NKAIN2: variants seen among roughly 807,000 people sequenced by gnomAD.
The protein encoded by NKAIN2 is sodium/potassium-transporting ATPase subunit beta-1-interacting protein 2.
A neutral mutation model predicts 32.6 loss-of-function variants in NKAIN2; 14 were observed. That is an observed-to-expected ratio of 0.43 (90% CI 0.28 to 0.67). The LOEUF is 0.67. Among genes scored for constraint, NKAIN2 ranks in the 30% least tolerant of loss-of-function variants. The pLI, the probability that NKAIN2 is intolerant of heterozygous loss-of-function variation, is 0.17. For missense variants in NKAIN2, 198 were observed against 258.3 expected (o/e 0.77, Z 1.60); for synonymous variants, 80 against 87.2 (o/e 0.92, Z 0.46).
chr6:124,485,121 CTGGTTCTT>C (rs1279388290), intron 3 of NKAIN2, among the ~76,000 whole-genome samples: 4 of 152,164 alleles, frequency 2.6e-5, no homozygotes, highest in African/African-American at 9.7e-5. Flanking sequence ...TACTGTTGCT[CTGGTTCTT>C]GCTATTTCCT....
chr6:124,264,283 A>G (rs1032388998), intron 1 of NKAIN2, among the ~76,000 whole-genome samples: 4 of 152,094 alleles, frequency 2.6e-5, no homozygotes, highest in Non-Finnish European at 4.4e-5. Context: ...CAGATGCCTC[A>G]CCTCAGCAAC....
chr6:124,385,881 A>G (rs1426543764), intron 3 of NKAIN2, among the ~76,000 whole-genome samples: 1 of 151,682 alleles, frequency 6.6e-6, no homozygotes, highest in Non-Finnish European at 1.5e-5. Context: ...TTCATGAAAA[A>G]TAGAACAAAA....
intron 3 of NKAIN2, among the ~76,000 whole-genome samples, chr6:124,627,651 C>G (rs368463307): frequency 6.6e-6 from 1 of 152,290 alleles, no homozygotes; most frequent in South Asian, 2.1e-4. Flanking sequence ...GTCATCCTAG[C>G]TGGCTTCCTT....
At chr6:123,921,571 T>C (rs1775756586) in intron 1 of NKAIN2, among the ~76,000 whole-genome samples, 1 of 152,210 alleles carries the variant, frequency 6.6e-6, no homozygotes, top group Non-Finnish European at 1.5e-5. Context: ...TTAGCGTTCA[T>C]TACTCAGAGG....
chr6:124,700,302 C>T (rs1462233474), intron 4 of NKAIN2, among the ~76,000 whole-genome samples: 1 of 152,098 alleles, frequency 6.6e-6, no homozygotes, highest in Non-Finnish European at 1.5e-5. Context: ...TGGGAAAGAA[C>T]ATTTAAAAAT....
intron 1 of NKAIN2, among the ~76,000 whole-genome samples, chr6:124,144,502 T>G (rs1787294694): frequency 6.6e-6 from 1 of 152,170 alleles, no homozygotes; most frequent in South Asian, 2.1e-4. Flanking sequence ...TACTAGTTTT[T>G]GGTAAGAAAG....
intron 3 of NKAIN2, among the ~76,000 whole-genome samples, chr6:124,518,191 C>T (rs1778986670): frequency 6.6e-6 from 1 of 151,260 alleles, no homozygotes; most frequent in South Asian, 2.1e-4. Context: ...AAAATTCTCT[C>T]TGCACATTTT....
intron 1 of NKAIN2, among the ~76,000 whole-genome samples, chr6:123,945,240 C>A (rs980945260): frequency 6.6e-6 from 1 of 152,028 alleles, no homozygotes; most frequent in African/African-American, 2.4e-5. Flanking sequence ...ACCAAAGCCT[C>A]TAACTGGTCA....
At chr6:123,861,763 G>T (rs1775794428) in intron 1 of NKAIN2, among the ~76,000 whole-genome samples, 1 of 151,970 alleles carries the variant, frequency 6.6e-6, no homozygotes, top group Non-Finnish European at 1.5e-5. Context: ...TTCCTAGATT[G>T]TCCTCTAAAC....
chr6:124,367,517 A>C (rs1799574774), intron 3 of NKAIN2, among the ~76,000 whole-genome samples: 1 of 152,136 alleles, frequency 6.6e-6, no homozygotes, highest in South Asian at 2.1e-4. Flanking sequence ...GGGCACCTCA[A>C]ATCAGGGCTC....
intron 3 of NKAIN2, among the ~76,000 whole-genome samples, chr6:124,409,214 G>C (rs1000335766): frequency 1.3e-5 from 2 of 152,102 alleles, no homozygotes; most frequent in African/African-American, 4.8e-5. Context: ...GCCCTGGCCA[G>C]AACTTCCAAC....
intron 1 of NKAIN2, among the ~76,000 whole-genome samples, chr6:124,106,855 G>A (rs560107660): frequency 1.5e-3 from 222 of 152,262 alleles, no homozygotes; most frequent in Non-Finnish European, 2.2e-3. Flanking sequence ...CACAAAAAAT[G>A]TATTGCCTTC....
chr6:124,737,517 G>A (rs12524566), intron 4 of NKAIN2, among the ~76,000 whole-genome samples: 15,506 of 151,728 alleles, frequency 0.1, 982 homozygotes, highest in East Asian at 0.29. Context: ...AACTGGTACC[G>A]GGAGTGCTGC....
At chr6:124,409,251 AG>A (rs1246725117) in intron 3 of NKAIN2, among the ~76,000 whole-genome samples, 1 of 152,116 alleles carries the variant, frequency 6.6e-6, no homozygotes, top group Non-Finnish European at 1.5e-5. Flanking sequence ...GTGGCGAGAG[AG>A]GGCATCCCTG....
intron 2 of NKAIN2, among the ~76,000 whole-genome samples, chr6:124,343,077 C>T (rs144247273): frequency 0.021 from 3,037 of 145,108 alleles, 83 homozygotes; most frequent in East Asian, 0.11. Context: ...TGAGAACATG[C>T]GGTCTTTGGT....
At chr6:124,516,655 G>A (rs563436374) in intron 3 of NKAIN2, among the ~76,000 whole-genome samples, 2 of 152,200 alleles carry the variant, frequency 1.3e-5, no homozygotes, top group South Asian at 2.1e-4. Context: ...GGTTGTGTGT[G>A]GATATGTCTG....
chr6:124,707,947 T>C (rs1775190717), intron 4 of NKAIN2, among the ~76,000 whole-genome samples: 1 of 151,170 alleles, frequency 6.6e-6, no homozygotes, highest in Non-Finnish European at 1.5e-5. Context: ...AATGCCTAGG[T>C]TTTCTTCTAG....
intron 2 of NKAIN2, among the ~76,000 whole-genome samples, chr6:124,330,436 TG>T (rs1402456540): frequency 6.6e-6 from 1 of 152,172 alleles, no homozygotes; most frequent in Non-Finnish European, 1.5e-5. Context: ...GCTGATCCCA[TG>T]TAGAGCACTG....
intron 1 of NKAIN2, among the ~76,000 whole-genome samples, chr6:124,083,210 G>A (rs1370333627): frequency 1.3e-5 from 2 of 151,560 alleles, no homozygotes; most frequent in Admixed American, 6.6e-5. Context: ...GTGAAACTTT[G>A]GACTTAACAT....
Sources: gnomAD v4.1 joint callset for allele counts (sites outside exome capture counted in the v4.1 genomes callset) on GRCh38, gnomAD v4.1.1 for gene constraint, MANE v1.5 for transcripts, NCBI Gene and HGNC (gene_info 2026-07-23, HGNC 2026-07-21) for gene names.